The following AIFM3 variants were observed in gnomAD, a reference collection of about 807,000 sequenced individuals.
The protein encoded by AIFM3 is apoptosis-inducing factor 3.
Under a neutral mutation model 82.7 loss-of-function variants are expected in AIFM3, and 71 were observed. The observed-to-expected ratio is 0.86, with a 90% CI of 0.71 to 1.05. The LOEUF is 1.05. Among genes scored for constraint, AIFM3 ranks in the 50% least tolerant of loss-of-function variants. The pLI is 0.00. For missense variants in AIFM3, 748 were observed against 816.7 expected, an observed-to-expected ratio of 0.92 and a Z score of 1.03; for synonymous variants, 337 against 329.1, an observed-to-expected ratio of 1.02 and a Z score of -0.26.
intron 6 of AIFM3, 35 bp from the exon 7 acceptor site, chr22:20,974,490 A>AT: frequency 6.3e-7 from 1 of 1,592,748 alleles, no homozygotes; most frequent in Non-Finnish European, 8.6e-7. Context: ...CATGCAGAGG[A>AT]TGGCAGTGAC....
chr22:20,967,735 C>G (rs1013088304), intron 1 of AIFM3, 70 bp from the exon 2 acceptor site: 4 of 597,802 alleles, frequency 6.7e-6, no homozygotes, highest in Non-Finnish European at 1.2e-5. Context: ...CTCCCACTGT[C>G]TCTCTCCGTC....
chr22:20,981,009 G>C lies in AIFM3; in HGVS notation c.1796G>C (p.Trp599Ser), dbSNP rs761633793. ...TCCTGCAGGACTGGCGACATGTCCT[G>C]GCTTACGGGGAAAGGATCCTGAGCT... Reference protein sequence around the residue: ...VLHSKTGDMSWLTGKGS With the variant: ...VLHSKTGDMSSLTGKGS Residue 599 changes from tryptophan to serine, a missense_variant, in exon 21 of 21, where the codon TGG becomes TCG. Coordinates refer to ENST00000440238, the MANE Select transcript of AIFM3 (RefSeq NM_001386814.1). 1 of 1,614,204 alleles carries C rather than the reference G, an allele frequency of 6.2e-7. No homozygotes were observed.
chr22:20,979,488 A>G, intron 17 of AIFM3, 119 bp downstream of exon 17: 15 of 1,481,336 alleles, frequency 1.0e-5, no homozygotes, highest in Non-Finnish European at 1.4e-5. Context: ...GAGGCCGGTA[A>G]GAACTCGCTG....
intron 2 of AIFM3, among the ~76,000 whole-genome samples, chr22:20,971,595 C>T (rs1455994584): frequency 6.6e-6 from 1 of 152,222 alleles, no homozygotes; most frequent in African/African-American, 2.4e-5. Flanking sequence ...TGCATCTCGG[C>T]AGCCTCTCTG....
rs1332964523 is a variant in AIFM3 at position 20,974,520 on chromosome 22, C to T, written c.511-5C>T. 6 of 1,610,032 alleles carry T rather than the reference C, an allele frequency of 3.7e-6. No homozygotes were observed. In the African/African-American group the frequency reaches 8.0e-5, roughly 22 times the overall value. ...AGTGACCCTCCACCCTCCTGGCACCCACAGGCCCTACAGCTGCAGCGAAGG... is the reference window on the plus strand; with the variant it reads ...AGTGACCCTCCACCCTCCTGGCACCTACAGGCCCTACAGCTGCAGCGAAGG... On this transcript the variant is annotated splice_region_variant and splice_polypyrimidine_tract_variant and intron_variant, in intron 6 of 20. Transcript: ENST00000440238.
chr22:20,980,323 G>A lies in AIFM3; in HGVS notation c.1757+199G>A. ...AGCAGGCTGGTTATGTGTTCATGGT[G>A]GATGGAAGGGATAGAGATGTGTGTC... is the stretch of plus-strand genomic sequence containing the variant. On this transcript the variant is annotated intron_variant, in intron 19 of 20. Transcript: ENST00000440238. 3 of 609,878 alleles carry A rather than the reference G, an allele frequency of 4.9e-6. No individual in the cohort carries two copies. The South Asian group carries it at 5.9e-5, about 12-fold the overall frequency. The allele number at this position is 609,878 out of a possible 1,614,324, so 37.8% of individuals were successfully genotyped here.
At chr22:20,969,823 A>T (rs749960529) in intron 2 of AIFM3, among the ~76,000 whole-genome samples, 2 of 152,020 alleles carry the variant, frequency 1.3e-5, no homozygotes, top group Non-Finnish European at 2.9e-5. Flanking sequence ...GGGAATTTCC[A>T]GATATGGGAG....
chr22:20,971,556 A>G (rs1053318764), intron 2 of AIFM3, among the ~76,000 whole-genome samples: 5 of 152,206 alleles, frequency 3.3e-5, no homozygotes, highest in African/African-American at 1.2e-4. Context: ...GCCCCAGCCC[A>G]GGGGACAGCT....
intron 16 of AIFM3, among the ~76,000 whole-genome samples, chr22:20,978,883 T>C (rs919431654): frequency 2.6e-5 from 4 of 151,984 alleles, no homozygotes; most frequent in African/African-American, 9.7e-5. Context: ...TTTGGGGCCT[T>C]GTGTGTGGCT....
Position 20,974,803 on chromosome 22 carries a change from C to T in AIFM3, c.707C>T (p.Pro236Leu), listed in dbSNP as rs1923528122. ...TLDRHLPYDR[P>L]KLSKSLDTQP... ...GACCGGCACCTTCCCTACGACCGTC[C>T]CAAGCTCAGCAAGGTACAGGGGGTG... Residue 236 changes from proline to leucine, a missense_variant, in exon 8 of 21, where the codon CCC becomes CTC. Around this residue, in one of 5 missense-constraint regions of AIFM3, gnomAD observed 393 missense variants for 481.1 expected, o/e 0.82. Transcript: ENST00000440238. 6.2e-7 allele frequency: 1 copy of T among 1,612,514 alleles called. No individual in the cohort carries two copies. The highest frequency in any genetic ancestry group is 1.3e-5 in the African/African-American group (1 of 74,974).
chr22:20,976,714 A>T lies in AIFM3; in HGVS notation c.1094A>T (p.Glu365Val), dbSNP rs756717490. Residue 365 changes from glutamate to valine, a missense_variant, in exon 12 of 21, where the codon GAG becomes GTG. Transcript: ENST00000440238. ...AHSVSVVELE[E>V]TPFRRFLGER... The stretch of plus-strand genomic sequence containing the variant: ...TCTGTGTCTGTGGTGGAGCTGGAGG[A>T]GACGCCCTTCAGGAGGTTCCTGGGG... The T allele has an allele frequency of 2.7e-5, 44 of 1,609,180 alleles. No homozygotes were observed. Among genetic ancestry groups the T allele is most frequent in the Admixed American group, 1.4e-4 (8 of 58,992 alleles).
At chr22:20,967,649 T>G in intron 1 of AIFM3, 156 bp from the exon 2 acceptor site, 1 of 496,314 alleles carries the variant, frequency 2.0e-6, no homozygotes, top group African/African-American at 2.0e-5. Context: ...AAAGGGGAGG[T>G]GACCTCCAGG....
At chr22:20,973,111 C>T (rs1310070540) in intron 2 of AIFM3, among the ~76,000 whole-genome samples, 196 bp from the exon 3 acceptor site, 2 of 152,114 alleles carry the variant, frequency 1.3e-5, no homozygotes, top group Non-Finnish European at 2.9e-5. Flanking sequence ...CACCCCCACC[C>T]ATCCATGCCC....
At position 20,980,800 on chromosome 22, in the gene AIFM3, C is replaced by A. The variant is rs200995022; in HGVS notation, c.1778+33C>A. 15 of 1,613,810 alleles carry A rather than the reference C, an allele frequency of 9.3e-6. No individual in the cohort carries two copies. The African/African-American group carries it at 1.6e-4, about 17-fold the overall frequency. On this transcript the variant is annotated intron_variant, in intron 20 of 20. Coordinates refer to ENST00000440238, the MANE Select transcript of AIFM3 (RefSeq NM_001386814.1). ...TGTCCTTCATGTTGACCGTTCTGAG[C>A]CTTTCCCATGTCAGCCCAGACCCTC...
At position 20,976,166 on chromosome 22, in the gene AIFM3, A is replaced by T. The variant is rs1555925553; in HGVS notation, c.808-49A>T. 5.7e-6 allele frequency: 8 copies of T among 1,403,794 alleles called. No homozygotes were observed. The South Asian group carries it at 1.1e-4, about 19-fold the overall frequency. The allele number at this position is 1,403,794 out of a possible 1,614,324, so 87.0% of individuals were successfully genotyped here. On this transcript the variant is annotated intron_variant, in intron 9 of 20. Transcript: ENST00000440238. ...CTGCAGGACCGGGGAGTGGGCGGCG[A>T]GGCCCAGCCCCATGCCCAAGCTCAT...
At chr22:20,977,819 T>C in intron 15 of AIFM3, 43 bp downstream of exon 15, 1 of 1,614,000 alleles carries the variant, frequency 6.2e-7, no homozygotes, top group Non-Finnish European at 8.5e-7. Flanking sequence ...GGTGCTGGGC[T>C]GGGAGTGGCA....
At chr22:20,965,265 C>A (rs978957772), upstream of AIFM3, 3 of 151,376 alleles carry the variant, frequency 2.0e-5, no homozygotes, top group African/African-American at 7.3e-5. Context: ...CCCGCCGCCC[C>A]GCCTCTTCGC....
chr22:20,976,829 C>T (rs1923711674), intron 12 of AIFM3, 38 bp from the exon 13 acceptor site: 4 of 1,592,314 alleles, frequency 2.5e-6, no homozygotes, highest in Non-Finnish European at 3.4e-6. Context: ...CCTGGCTGGG[C>T]TCTCATCCAC....
At chr22:20,974,884 C>T in intron 8 of AIFM3, 68 bp downstream of exon 8, 1 of 1,527,230 alleles carries the variant, frequency 6.5e-7, no homozygotes, top group Non-Finnish European at 9.0e-7. Flanking sequence ...TCAAGCCTTG[C>T]TTGTCACCCC....
Sources: allele counts gnomAD v4.1 joint callset (sites outside exome capture counted in the v4.1 genomes callset), GRCh38; gene constraint gnomAD v4.1.1; regional missense constraint gnomAD v4.1.1; transcripts MANE v1.5; gene names NCBI Gene and HGNC (gene_info 2026-07-23, HGNC 2026-07-21).